ZNF469: variants seen among roughly 807,000 people sequenced by gnomAD.
ZNF469 encodes the protein zinc finger protein 469.
ZNF469 carries 1 observed loss-of-function variant against 1.0 expected under a neutral mutation model. That is an observed-to-expected ratio of 1.00 (90% confidence interval 0.35 to 4.73). The LOEUF (loss-of-function observed/expected upper bound fraction) is 4.73, where lower values mean the gene tolerates loss of function less well. Ranked by LOEUF, ZNF469 falls within the 30% of genes most tolerant of loss-of-function variation. The pLI is 0.16. For synonymous variants in ZNF469, 2,703 were observed against 2,363.4 expected, an observed-to-expected ratio of 1.14 and a Z score of -4.17; for missense variants, 6,100 against 5,356.3, an observed-to-expected ratio of 1.14 and a Z score of -4.33.
At chr16:88,140,543 C>T in the ZNF469 span, among the ~76,000 whole-genome samples, 85,411 of 150,304 alleles carry the variant, frequency 0.57, 28,180 homozygotes, top group Non-Finnish European at 0.76. Flanking sequence ...AAAGATCCTG[C>T]AGAAAAGCCG....
chr16:88,398,432 A>G (rs77143756), intron 1 of ZNF469, among the ~76,000 whole-genome samples: 38,320 of 147,300 alleles, frequency 0.26, 5,356 homozygotes, highest in African/African-American at 0.4. Context: ...TGGGCCACGG[A>G]TGAAGGGACA....
At chr16:88,410,436 G>A (rs1015074422) in intron 1 of ZNF469, among the ~76,000 whole-genome samples, 18 of 149,854 alleles carry the variant, frequency 1.2e-4, no homozygotes, top group Admixed American at 7.3e-4. Flanking sequence ...AGAAGTTCAC[G>A]GTGCAGGTCA....
rs1597209997 is a variant in ZNF469 at position 88,432,285 on chromosome 16, A to C, written c.4815A>C (p.Pro1605=). ...TGGAGCTCGGCACAGGCACAGAGCC[A>C]CCCTCCCAACGGCGCACCTGCCAGG... ...GRVELGTGTE[P]PSQRRTCQAT... Residue 1605 remains proline (P), a synonymous_variant, in exon 3 of 3, where the codon CCA becomes CCC. Coordinates refer to ENST00000565624, the MANE Select transcript of ZNF469 (RefSeq NM_001367624.2). 1 of 1,546,764 alleles carries C rather than the reference A, an allele frequency of 6.5e-7. No homozygotes were observed. The highest frequency in any genetic ancestry group is 8.7e-7 in the Non-Finnish European group (1 of 1,146,904).
At chr16:88,166,402 C>A in the ZNF469 span, among the ~76,000 whole-genome samples, 1 of 152,056 alleles carries the variant, frequency 6.6e-6, no homozygotes, top group Non-Finnish European at 1.5e-5. This position sits in a 1 kb window ranked among gnomAD's most constrained non-coding sequence, Gnocchi z 4.5. Flanking sequence ...AGAGTGCAAT[C>A]GTTGTTTACG....
At chr16:88,335,776 T>C in the ZNF469 span, among the ~76,000 whole-genome samples, 28 of 152,058 alleles carry the variant, frequency 1.8e-4, no homozygotes, top group African/African-American at 6.7e-4. Flanking sequence ...GACACTAACA[T>C]GCCAATACCA....
chr16:88,191,179 ATT>A, the ZNF469 span, among the ~76,000 whole-genome samples: 1 of 151,724 alleles, frequency 6.6e-6, no homozygotes, highest in Non-Finnish European at 1.5e-5. Flanking sequence ...TGTGTGGGTT[ATT>A]TTGTTCCCAG....
At chr16:88,289,913 G>A in the ZNF469 span, among the ~76,000 whole-genome samples, 1 of 152,168 alleles carries the variant, frequency 6.6e-6, no homozygotes, top group Non-Finnish European at 1.5e-5. Context: ...TAGCTTTCAC[G>A]GGCCAAGAAG....
chr16:88,261,891 C>T, the ZNF469 span, among the ~76,000 whole-genome samples: 64 of 152,128 alleles, frequency 4.2e-4, no homozygotes, highest in African/African-American at 1.4e-3. This position sits in a 1 kb window ranked among gnomAD's most constrained non-coding sequence, Gnocchi z 6.0. Context: ...TGGATGAGGA[C>T]TCGGAGGCCC....
the ZNF469 span, among the ~76,000 whole-genome samples, chr16:88,273,802 A>AT: frequency 7.3e-3 from 863 of 117,844 alleles, 7 homozygotes; most frequent in African/African-American, 0.025. Flanking sequence ...ACACTGTGGA[A>AT]TATTTTTTTT....
chr16:88,174,159 T>C, the ZNF469 span, among the ~76,000 whole-genome samples: 75 of 152,262 alleles, frequency 4.9e-4, no homozygotes, highest in Non-Finnish European at 1.8e-4. Context: ...AAAAAAGATA[T>C]ATCATGCTAA....
chr16:88,155,081 C>T, the ZNF469 span, among the ~76,000 whole-genome samples: 1 of 152,344 alleles, frequency 6.6e-6, no homozygotes, highest in East Asian at 1.9e-4. Flanking sequence ...CACCACAATG[C>T]TGCTGGTTCA....
rs1241072195 is a variant in ZNF469, at chr16:88,431,489, C to T, written c.4019C>T (p.Pro1340Leu). 1.9e-6 allele frequency: 3 copies of T among 1,550,434 alleles called. No homozygotes were observed. The highest frequency in any genetic ancestry group is 1.2e-5 in the South Asian group (1 of 84,064). ...GCTAACCCCTCAAGTACCGCCTGCC[C>T]CAAACCCAGTGTTCTGTCTTCAAAG... ...PVANPSSTACPKPSVLSSKIS... is the reference protein window; with the variant it reads ...PVANPSSTACLKPSVLSSKIS... Residue 1340 changes from proline to leucine, a missense_variant, in exon 3 of 3, where the codon CCC becomes CTC. Coordinates refer to ENST00000565624, the MANE Select transcript of ZNF469 (RefSeq NM_001367624.2).
the ZNF469 span, among the ~76,000 whole-genome samples, chr16:88,372,233 C>G: frequency 7.0e-6 from 1 of 143,486 alleles, no homozygotes; most frequent in Non-Finnish European, 1.5e-5. Context: ...ACTATCATCA[C>G]CATCACCATC....
the ZNF469 span, among the ~76,000 whole-genome samples, chr16:88,341,765 G>A: frequency 2.6e-5 from 4 of 152,204 alleles, no homozygotes; most frequent in African/African-American, 9.6e-5. Context: ...GCCAGGAAGG[G>A]TGTGCAGGGG....
Position 88,438,812 on chromosome 16 carries a change from C to T in ZNF469, c.11342C>T (p.Pro3781Leu). The change falls in exon 3 of 3, where the codon CCC becomes CTC. Residue 3781 changes from proline to leucine, a missense_variant. Coordinates refer to ENST00000565624, the MANE Select transcript of ZNF469 (RefSeq NM_001367624.2). The stretch of plus-strand genomic sequence containing the variant: ...CGGAGCCCTGCACCAGAGAGGCTCC[C>T]CGCTCGAGCCCAAGCCAAGAGCTGC... ...PSRSPAPERL[P>L]ARAQAKSCTK... The T allele has an allele frequency of 6.5e-7, 1 of 1,550,270 alleles. No individual in the cohort carries two copies. The highest frequency in any genetic ancestry group is 2.4e-5 in the East Asian group (1 of 40,898).
the ZNF469 span, among the ~76,000 whole-genome samples, chr16:88,314,979 G>A: frequency 2.0e-5 from 3 of 151,446 alleles, no homozygotes; most frequent in Admixed American, 6.6e-5. Flanking sequence ...GGCTGTCTCT[G>A]TAATTAAGAT....
chr16:88,284,219 G>A, the ZNF469 span, among the ~76,000 whole-genome samples: 24 of 152,228 alleles, frequency 1.6e-4, no homozygotes, highest in Non-Finnish European at 3.4e-4. Context: ...GAGTGCCCAA[G>A]GTCTGCTGCT....
chr16:88,238,903 G>T, the ZNF469 span, among the ~76,000 whole-genome samples: 4 of 152,218 alleles, frequency 2.6e-5, no homozygotes, highest in East Asian at 1.9e-4. Flanking sequence ...GCCTTGTGGA[G>T]ATCCGGCCTC....
the ZNF469 span, among the ~76,000 whole-genome samples, chr16:88,167,328 C>T: frequency 6.6e-6 from 1 of 152,174 alleles, no homozygotes; most frequent in Non-Finnish European, 1.5e-5. Flanking sequence ...TCTCAAAGTG[C>T]TGGGATTACA....
Sources: allele counts gnomAD v4.1 joint callset (sites outside exome capture counted in the v4.1 genomes callset), GRCh38; gene constraint gnomAD v4.1.1; non-coding constraint Gnocchi (gnomAD v3.1); transcripts MANE v1.5; gene names NCBI Gene and HGNC (gene_info 2026-07-23, HGNC 2026-07-21).